CDH8: variants seen among roughly 807,000 people sequenced by gnomAD.
CDH8 encodes cadherin-8.
In CDH8, 17 loss-of-function variants were observed where a neutral mutation model predicts 68.1. The ratio of observed to expected loss-of-function variants is 0.25; its 90% CI spans 0.17 to 0.37. The LOEUF is 0.37. Ranked by LOEUF, CDH8 falls within the 10% of genes least tolerant of loss-of-function variation. CDH8 has a pLI of 1.00. For synonymous variants in CDH8, 372 were observed against 365.1 expected (o/e 1.02, Z -0.21); for missense variants, 763 against 999.3 (o/e 0.76, Z 3.19).
rs188260205 is a variant in CDH8 at position 61,815,499 on chromosome 16, C to T, written c.1277+1980G>A. 7.4e-3 allele frequency among the ~76,000 whole-genome samples: 1,127 copies of T among 152,288 alleles called. 17 individuals carry two copies. The highest frequency in any genetic ancestry group is 9.1e-3 in the Non-Finnish European group (617 of 68,022). On this transcript the variant is annotated intron_variant, in intron 7 of 11. Coordinates refer to ENST00000577390, the MANE Select transcript of CDH8 (RefSeq NM_001796.5). ...CTACTTTTACTATGGCATGAAAGTT[C>T]CTTAAGCCTCATCTCTAGATGATTA...
At chr16:61,671,867 A>G (rs1963803016) in intron 10 of CDH8, among the ~76,000 whole-genome samples, 1 of 151,984 alleles carries the variant, frequency 6.6e-6, no homozygotes, top group Non-Finnish European at 1.5e-5. Flanking sequence ...GAGAGCAGAA[A>G]CAAATGATTG....
In CDH8 at chr16:61,647,803, T is replaced by A; in HGVS notation, c.*5805A>T. Reference sequence around the variant, plus strand: ...CATTTCCTTTTCTGGTCCTGACCTCTGAGTTCATTGAAGCCATGGTTTTCC... The same window carrying A: ...CATTTCCTTTTCTGGTCCTGACCTCAGAGTTCATTGAAGCCATGGTTTTCC... On this transcript the variant is annotated 3_prime_UTR_variant, in exon 12 of 12. Coordinates refer to ENST00000577390, the MANE Select transcript of CDH8 (RefSeq NM_001796.5). The A allele has an allele frequency of 1.4e-6, 1 of 699,796 alleles. No homozygotes were observed. Among genetic ancestry groups the A allele is most frequent in the Non-Finnish European group, 2.6e-6 (1 of 382,894 alleles). 43.3% of individuals were successfully genotyped at this position (699,796 alleles called of 1,614,324 possible).
intron 2 of CDH8, among the ~76,000 whole-genome samples, chr16:61,929,490 CT>C (rs1490919450): frequency 1.3e-5 from 2 of 152,108 alleles, no homozygotes; most frequent in African/African-American, 4.8e-5. Context: ...ATGAAGAGAC[CT>C]ATTATACTGA....
intron 2 of CDH8, among the ~76,000 whole-genome samples, chr16:61,972,428 T>C (rs1446014983): frequency 6.6e-6 from 1 of 152,166 alleles, no homozygotes; most frequent in Non-Finnish European, 1.5e-5. Context: ...GTAATCATCT[T>C]GTATTACTCC....
chr16:61,877,465 A>G (rs1173164845), intron 3 of CDH8, among the ~76,000 whole-genome samples: 2 of 152,164 alleles, frequency 1.3e-5, no homozygotes, highest in Admixed American at 6.6e-5. Context: ...AGACTTTAGA[A>G]TTTCCACATA....
chr16:61,730,952 GT>G (rs532375763), intron 8 of CDH8, among the ~76,000 whole-genome samples: 3 of 151,524 alleles, frequency 2.0e-5, no homozygotes, highest in Non-Finnish European at 4.4e-5. Context: ...ACTGGTGAAA[GT>G]TTTTTTAAAA....
At chr16:61,656,996 G>T (rs1963460508) in intron 10 of CDH8, among the ~76,000 whole-genome samples, 1 of 151,588 alleles carries the variant, frequency 6.6e-6, no homozygotes, top group African/African-American at 2.4e-5. Flanking sequence ...ACAGCCAAAA[G>T]CAAATAAACA....
At chr16:61,870,112 C>G (rs899482659) in intron 3 of CDH8, among the ~76,000 whole-genome samples, 1 of 152,118 alleles carries the variant, frequency 6.6e-6, no homozygotes, top group Non-Finnish European at 1.5e-5. Context: ...CACAGAGTGC[C>G]TTAAAAATCG....
At chr16:61,737,536 G>A (rs1283632043) in intron 8 of CDH8, among the ~76,000 whole-genome samples, 1 of 152,078 alleles carries the variant, frequency 6.6e-6, no homozygotes, top group African/African-American at 2.4e-5. Flanking sequence ...CAATAGTGGG[G>A]TTAAGCTCTC....
chr16:61,997,646 C>G (rs1469747431), intron 2 of CDH8, among the ~76,000 whole-genome samples: 1 of 151,964 alleles, frequency 6.6e-6, no homozygotes, highest in Admixed American at 6.6e-5. Context: ...AGAAGAAAGC[C>G]CTGACAGACA....
chr16:61,949,048 G>C (rs1255811017), intron 2 of CDH8, among the ~76,000 whole-genome samples: 1 of 152,126 alleles, frequency 6.6e-6, no homozygotes, highest in African/African-American at 2.4e-5. Flanking sequence ...AAAAAGTTCT[G>C]ATTACTCTTG....
intron 3 of CDH8, among the ~76,000 whole-genome samples, chr16:61,857,629 C>A (rs1354793668): frequency 6.6e-6 from 1 of 151,870 alleles, no homozygotes; most frequent in African/African-American, 2.4e-5. Context: ...ACTAAATGTA[C>A]CTGGAAAAAT....
intron 7 of CDH8, among the ~76,000 whole-genome samples, chr16:61,794,453 G>C (rs900820271): frequency 3.3e-5 from 5 of 151,936 alleles, no homozygotes; most frequent in African/African-American, 1.2e-4. Flanking sequence ...TACTTATTAA[G>C]GGTCTGACAC....
chr16:61,938,177 C>T (rs1366714489), intron 2 of CDH8, among the ~76,000 whole-genome samples: 3 of 151,968 alleles, frequency 2.0e-5, no homozygotes, highest in Non-Finnish European at 4.4e-5. Context: ...CTCACTGATT[C>T]CTAATGAAAC....
At chr16:62,026,349 T>G (rs1328069944) in intron 1 of CDH8, among the ~76,000 whole-genome samples, 1 of 152,226 alleles carries the variant, frequency 6.6e-6, no homozygotes, top group African/African-American at 2.4e-5. Flanking sequence ...GGATTTGAGA[T>G]TCTGCATTTC....
chr16:61,867,078 G>A (rs1963269548), intron 3 of CDH8, among the ~76,000 whole-genome samples: 1 of 152,086 alleles, frequency 6.6e-6, no homozygotes, highest in Non-Finnish European at 1.5e-5. Context: ...GTGACAAAGT[G>A]AAAAGCCACT....
At chr16:61,773,543 G>A (rs1960833159) in intron 8 of CDH8, among the ~76,000 whole-genome samples, 1 of 151,984 alleles carries the variant, frequency 6.6e-6, no homozygotes, top group Non-Finnish European at 1.5e-5. Flanking sequence ...TTTTTGGCAA[G>A]AATTGCTCTG....
intron 2 of CDH8, among the ~76,000 whole-genome samples, chr16:62,011,237 G>A (rs1013889656): frequency 6.6e-6 from 1 of 152,188 alleles, no homozygotes; most frequent in Non-Finnish European, 1.5e-5. Flanking sequence ...CACACCTGCT[G>A]CATTGTGGTA....
At chr16:61,815,232 T>C (rs1190825084) in intron 7 of CDH8, among the ~76,000 whole-genome samples, 8 of 152,192 alleles carry the variant, frequency 5.3e-5, no homozygotes, top group Admixed American at 5.2e-4. Flanking sequence ...TGGACAGTTA[T>C]TTCTAAACAG....
Sources: allele counts gnomAD v4.1 joint callset (sites outside exome capture counted in the v4.1 genomes callset), GRCh38; gene constraint gnomAD v4.1.1; transcripts MANE v1.5; gene names NCBI Gene and HGNC (gene_info 2026-07-23, HGNC 2026-07-21).